The following LRP1B variants were observed in gnomAD, a reference collection of about 807,000 sequenced individuals.
The protein encoded by LRP1B is low-density lipoprotein receptor-related protein 1B.
In LRP1B, 217 loss-of-function variants were observed where a neutral mutation model predicts 556.6. The ratio of observed to expected loss-of-function variants is 0.39; its 90% CI spans 0.35 to 0.44. The LOEUF (loss-of-function observed/expected upper bound fraction) is 0.44. Ranked by LOEUF, LRP1B falls within the 20% of genes least tolerant of loss-of-function variation. The pLI is 1.00. For missense variants in LRP1B, 5,053 were observed against 5,620.8 expected, an observed-to-expected ratio of 0.90 and a Z score of 3.23; for synonymous variants, 2,047 against 1,865.8, an observed-to-expected ratio of 1.10 and a Z score of -2.50.
At chr2:140,667,847 T>C (rs1321718380) in intron 41 of LRP1B, among the ~76,000 whole-genome samples, 1 of 152,222 alleles carries the variant, frequency 6.6e-6, no homozygotes, top group Non-Finnish European at 1.5e-5. Context: ...AATTCTCTTC[T>C]ACTTTATAAT....
At chr2:140,517,806 G>A (rs7563482) in intron 49 of LRP1B, among the ~76,000 whole-genome samples, 108,527 of 149,882 alleles carry the variant, frequency 0.72, 39,822 homozygotes, top group Middle Eastern at 0.87. Flanking sequence ...CGCCTCCCGG[G>A]TTCAAGTGAT....
chr2:141,339,303 A>AG (rs1687964704), intron 3 of LRP1B, among the ~76,000 whole-genome samples: 1 of 99,526 alleles, frequency 1.0e-5, no homozygotes, highest in African/African-American at 4.3e-5. Flanking sequence ...GGTAACGCAA[A>AG]AAAAAAAAAA....
At chr2:140,774,025 T>A (rs1689407230) in intron 33 of LRP1B, among the ~76,000 whole-genome samples, 1 of 152,106 alleles carries the variant, frequency 6.6e-6, no homozygotes, top group African/African-American at 2.4e-5. Context: ...TTCTCAACTC[T>A]CCAGTGATCT....
At chr2:141,087,747 G>C (rs1172152708) in intron 7 of LRP1B, among the ~76,000 whole-genome samples, 1 of 152,202 alleles carries the variant, frequency 6.6e-6, no homozygotes, top group Non-Finnish European at 1.5e-5. Flanking sequence ...AGGGCAAGTA[G>C]GAGTTTGCCG....
At chr2:141,871,158 A>G (rs1040160641) in intron 1 of LRP1B, among the ~76,000 whole-genome samples, 12 of 151,862 alleles carry the variant, frequency 7.9e-5, no homozygotes, top group Non-Finnish European at 4.4e-5. Flanking sequence ...ACATTCACCA[A>G]TCCCTCAACT....
At chr2:140,301,800 C>T (rs1232485477) in intron 83 of LRP1B, among the ~76,000 whole-genome samples, 1 of 150,998 alleles carries the variant, frequency 6.6e-6, no homozygotes, top group Admixed American at 6.6e-5. Flanking sequence ...CTGTACTTTA[C>T]ATATATAAAG....
chr2:140,959,975 A>G (rs1695985972), intron 18 of LRP1B, among the ~76,000 whole-genome samples: 1 of 151,664 alleles, frequency 6.6e-6, no homozygotes, highest in South Asian at 2.1e-4. Flanking sequence ...TGCCTGGGGT[A>G]CTTTTCGTTC....
At chr2:140,390,595 C>T (rs1342198903) in intron 66 of LRP1B, among the ~76,000 whole-genome samples, 1 of 151,968 alleles carries the variant, frequency 6.6e-6, no homozygotes, top group Non-Finnish European at 1.5e-5. Context: ...GACTTCAACA[C>T]AATTAAAATG....
At chr2:142,101,100 A>T (rs1051060262) in intron 1 of LRP1B, among the ~76,000 whole-genome samples, 1 of 151,974 alleles carries the variant, frequency 6.6e-6, no homozygotes, top group Admixed American at 6.6e-5. Flanking sequence ...AGGTAGAAAT[A>T]AGTGTGCTAA....
intron 2 of LRP1B, among the ~76,000 whole-genome samples, chr2:141,609,276 C>T (rs1281026369): frequency 6.6e-6 from 1 of 152,120 alleles, no homozygotes; most frequent in Non-Finnish European, 1.5e-5. Flanking sequence ...CCACATATTA[C>T]TCTCTACTTT....
chr2:141,544,367 CTTCTT>C (rs1685454476), intron 2 of LRP1B, among the ~76,000 whole-genome samples: 1 of 108,428 alleles, frequency 9.2e-6, no homozygotes, highest in African/African-American at 3.2e-5. Context: ...TCTTCTTCTT[CTTCTT>C]CTTCTTCTTC....
intron 6 of LRP1B, among the ~76,000 whole-genome samples, chr2:141,212,242 A>G (rs1479412272): frequency 8.3e-6 from 1 of 121,078 alleles, no homozygotes; most frequent in Non-Finnish European, 1.7e-5. Flanking sequence ...TTGATCAAAA[A>G]GTCTAGATTT....
At chr2:142,004,578 G>T (rs1472403899) in intron 1 of LRP1B, among the ~76,000 whole-genome samples, 1 of 151,950 alleles carries the variant, frequency 6.6e-6, no homozygotes, top group African/African-American at 2.4e-5. Context: ...AGGCACAGTG[G>T]CTCACACCTG....
intron 11 of LRP1B, 58 bp from the exon 12 acceptor site, chr2:141,020,160 G>T: frequency 9.0e-7 from 1 of 1,112,978 alleles, no homozygotes; most frequent in Non-Finnish European, 1.2e-6. Context: ...TAAAATTAGT[G>T]TTCACTACTA....
intron 79 of LRP1B, among the ~76,000 whole-genome samples, chr2:140,332,205 T>G: frequency 6.6e-6 from 1 of 152,122 alleles, no homozygotes; most frequent in East Asian, 1.9e-4. Flanking sequence ...TTTTTCTTTA[T>G]TGGAGATTAT....
chr2:141,353,041 T>C (rs1688499995), intron 3 of LRP1B, among the ~76,000 whole-genome samples: 2 of 152,012 alleles, frequency 1.3e-5, no homozygotes, highest in Admixed American at 6.6e-5. Flanking sequence ...TTATAGGTTA[T>C]AGAGAAATAA....
chr2:140,343,403 ACTAT>A (rs1237933710), intron 77 of LRP1B, among the ~76,000 whole-genome samples: 1 of 151,620 alleles, frequency 6.6e-6, no homozygotes, highest in Non-Finnish European at 1.5e-5. Context: ...AAATGCCTGG[ACTAT>A]CTAATACAGG....
intron 7 of LRP1B, among the ~76,000 whole-genome samples, chr2:141,113,697 CT>C (rs764183076): frequency 4.1e-4 from 63 of 151,990 alleles, no homozygotes; most frequent in Non-Finnish European, 5.4e-4. Flanking sequence ...ATATTTTACT[CT>C]TAAATTCATG....
chr2:141,585,625 AT>A (rs1335210453), intron 2 of LRP1B, among the ~76,000 whole-genome samples: 1 of 152,106 alleles, frequency 6.6e-6, no homozygotes, highest in East Asian at 1.9e-4. Context: ...CATGTCCCTG[AT>A]TGGCAACTGA....
Sources: allele counts gnomAD v4.1 joint callset (sites outside exome capture counted in the v4.1 genomes callset), GRCh38; gene constraint gnomAD v4.1.1; transcripts MANE v1.5; gene names NCBI Gene and HGNC (gene_info 2026-07-23, HGNC 2026-07-21).